PSCA: variants seen among roughly 807,000 people sequenced by gnomAD.
PSCA encodes prostate stem cell antigen.
Under a neutral mutation model 7.9 loss-of-function variants are expected in PSCA, and 7 were observed. That is an observed-to-expected ratio of 0.89 (90% CI 0.51 to 1.67). The LOEUF (loss-of-function observed/expected upper bound fraction) is 1.67. Among genes scored for constraint, PSCA ranks in the 40% most tolerant of loss-of-function variants. PSCA has a pLI of 0.00. For missense variants in PSCA, 151 were observed against 147.9 expected (o/e 1.02, Z -0.11); for synonymous variants, 61 against 68.3 (o/e 0.89, Z 0.53).
chr8:142,670,317 C>T (rs1847297553), exon 1 of PSCA: 1 of 152,338 alleles, frequency 6.6e-6, no homozygotes, highest in South Asian at 2.1e-4. Context: ...TGACAGTGAA[C>T]CCTGCGCTGA....
upstream of PSCA, among the ~76,000 whole-genome samples, chr8:142,678,810 C>T (rs1587545656): frequency 6.6e-6 from 1 of 152,048 alleles, no homozygotes; most frequent in South Asian, 2.1e-4. Context: ...CTCTAGAGGA[C>T]CATAGCTACT....
chr8:142,673,957 A>G lies in PSCA; in HGVS notation n.261+3389A>G, dbSNP rs1847365777. Among the ~76,000 whole-genome samples, 2 of 148,422 alleles carry G rather than the reference A, an allele frequency of 1.3e-5. No individual in the cohort carries two copies. The highest frequency in any genetic ancestry group is 1.3e-4 in the Admixed American group (2 of 14,878). On this transcript the variant is annotated intron_variant and non_coding_transcript_variant, in intron 1 of 1. Transcript: ENST00000505305. This position sits in a 1 kb window ranked among gnomAD's most constrained non-coding sequence, Gnocchi z 4.6. ...GAGCTCAGATCCCCTCATCTTCCTA[A>G]TGAATAACGGCTGGGAATCGTTTCA...
At chr8:142,671,203 T>C (rs1222266823) in intron 1 of PSCA, among the ~76,000 whole-genome samples, 3 of 151,768 alleles carry the variant, frequency 2.0e-5, no homozygotes, top group Non-Finnish European at 4.4e-5. Context: ...CTTGTGGGAG[T>C]TAGGAAGCCA....
rs782240163 is a variant in PSCA at position 142,681,433 on chromosome 8, C to G, written c.132C>G (p.Ile44Met). The G allele has an allele frequency of 3.2e-6, 5 of 1,586,182 alleles. No individual in the cohort carries two copies. The highest frequency in any genetic ancestry group is 2.6e-6 in the Non-Finnish European group (3 of 1,166,666). ...GGGAGCAGTGCTGGACCGCGCGCATCCGTGAGTGGGGGGACGACAGCCGCC... is the reference window on the plus strand; with the variant it reads ...GGGAGCAGTGCTGGACCGCGCGCATGCGTGAGTGGGGGGACGACAGCCGCC... ...QLGEQCWTARIRAVGLLTVIS... is the reference protein window; with the variant it reads ...QLGEQCWTARMRAVGLLTVIS... The change falls in exon 2 of 3, where the codon ATC becomes ATG. Residue 44 changes from isoleucine to methionine, a missense_variant and splice_region_variant. Physicochemically the swap from Ile to Met is conservative, Grantham distance 10 (BLOSUM62 1). Transcript: ENST00000301258.
chr8:142,680,689 T>A, intron 1 of PSCA, 126 bp downstream of exon 1: 1 of 1,303,848 alleles, frequency 7.7e-7, no homozygotes, highest in Non-Finnish European at 1.1e-6. Context: ...GGGGTGAGGC[T>A]CTTGCCCTAG....
At chr8:142,680,395 G>A, upstream of PSCA, 3 of 928,854 alleles carry the variant, frequency 3.2e-6, no homozygotes, top group Admixed American at 4.2e-5. Context: ...CCCAGCCCCG[G>A]GGCCCTCACT....
At chr8:142,671,983 T>C (rs1355461601) in intron 1 of PSCA, among the ~76,000 whole-genome samples, 1 of 152,068 alleles carries the variant, frequency 6.6e-6, no homozygotes, top group African/African-American at 2.4e-5. Flanking sequence ...GGTGATCTCC[T>C]CCAGTGTCAT....
rs1847449884 is a variant in PSCA at position 142,680,528 on chromosome 8, T to A, written c.-11T>A. 17 of 1,553,986 alleles carry A rather than the reference T, an allele frequency of 1.1e-5. No individual in the cohort carries two copies. Among genetic ancestry groups the A allele is most frequent in the Non-Finnish European group, 1.5e-5 (17 of 1,148,204 alleles). On this transcript the variant is annotated 5_prime_UTR_variant, in exon 1 of 3. The change creates a new upstream start codon in the 5' untranslated region. Transcript: ENST00000301258. ...CCAGTGACCACGAAGGCTGTGCTGCTTGCCCTGTTGATGGCAGGCTTGGCC... is the reference window on the plus strand; with the variant it reads ...CCAGTGACCACGAAGGCTGTGCTGCATGCCCTGTTGATGGCAGGCTTGGCC...
intron 1 of PSCA, 111 bp from the exon 2 acceptor site, chr8:142,681,216 C>T (rs1417676149): frequency 5.7e-6 from 4 of 707,522 alleles, no homozygotes; most frequent in African/African-American, 1.8e-5. Flanking sequence ...GACAAGAGGG[C>T]GCCGAGGACT....
At chr8:142,672,196 T>C (rs1847340952) in intron 1 of PSCA, among the ~76,000 whole-genome samples, 1 of 151,888 alleles carries the variant, frequency 6.6e-6, no homozygotes, top group Non-Finnish European at 1.5e-5. Context: ...GCCTCAACAG[T>C]CTCCATCCCT....
Position 142,673,912 on chromosome 8 carries a change from G to T in PSCA, n.261+3344G>T, listed in dbSNP as rs1034951062. ...GTCCCTGGAATAACGGCTGGGAGTC[G>T]TTTCAGTCTAACCTCAGCAGAGCTC... On this transcript the variant is annotated intron_variant and non_coding_transcript_variant, in intron 1 of 1. Coordinates refer to the PSCA transcript ENST00000505305. This position sits in a 1 kb window ranked among gnomAD's most constrained non-coding sequence, Gnocchi z 4.6. 6.6e-6 allele frequency among the ~76,000 whole-genome samples: 1 copy of T among 152,164 alleles called. No individual in the cohort carries two copies. The highest frequency in any genetic ancestry group is 6.5e-5 in the Admixed American group (1 of 15,280).
chr8:142,671,821 T>C (rs1847333682), intron 1 of PSCA, among the ~76,000 whole-genome samples: 1 of 152,190 alleles, frequency 6.6e-6, no homozygotes, highest in Non-Finnish European at 1.5e-5. Flanking sequence ...CACGAGCCCA[T>C]GTGCCAGCTC....
chr8:142,674,752 C>T, intron 1 of PSCA, among the ~76,000 whole-genome samples: 1 of 152,108 alleles, frequency 6.6e-6, no homozygotes, highest in East Asian at 1.9e-4. Context: ...AGCCTGCTTC[C>T]CTACTGAGCG....
At chr8:142,676,337 C>T (rs1190014030), upstream of PSCA, 1 of 152,308 alleles carries the variant, frequency 6.6e-6, no homozygotes, top group Non-Finnish European at 1.5e-5. Context: ...GTGGAGGACG[C>T]TTAGTCATGG....
chr8:142,670,321 G>T (rs1847297658), exon 1 of PSCA: 1 of 152,362 alleles, frequency 6.6e-6, no homozygotes, highest in Non-Finnish European at 1.5e-5. Context: ...AGTGAACCCT[G>T]CGCTGAAGGC....
At position 142,673,763 on chromosome 8, in the gene PSCA, C is replaced by T. The variant is rs1847363219; in HGVS notation, n.261+3195C>T. Among the ~76,000 whole-genome samples, 1 of 152,170 alleles carries T rather than the reference C, an allele frequency of 6.6e-6. No individual in the cohort carries two copies. Among genetic ancestry groups the T allele is most frequent in the African/African-American group, 2.4e-5 (1 of 41,442 alleles). ...GACCGGCTGCGGGGTTGGTGGGCCT[C>T]GCTAGAGCCATCCATCAGTCATTAG... On this transcript the variant is annotated intron_variant and non_coding_transcript_variant, in intron 1 of 1. Coordinates refer to the PSCA transcript ENST00000505305. This position sits in a 1 kb window ranked among gnomAD's most constrained non-coding sequence, Gnocchi z 4.6.
chr8:142,672,287 A>C, intron 1 of PSCA, among the ~76,000 whole-genome samples: 2 of 149,764 alleles, frequency 1.3e-5, no homozygotes, highest in East Asian at 2.0e-4. Flanking sequence ...CCCAATCCAC[A>C]CCTCTGTGGT....
intron 1 of PSCA, among the ~76,000 whole-genome samples, chr8:142,672,278 C>T (rs72690918): frequency 0.041 from 6,270 of 152,092 alleles, 207 homozygotes; most frequent in Admixed American, 0.098. Flanking sequence ...ACTGCCCTCC[C>T]CAATCCACAC....
chr8:142,679,058 CT>C (rs1385871127), upstream of PSCA, among the ~76,000 whole-genome samples: 25 of 152,370 alleles, frequency 1.6e-4, no homozygotes, highest in African/African-American at 5.8e-4. Context: ...GCCATAGCCA[CT>C]GCCACCACCT....
Sources: gnomAD v4.1 joint callset for allele counts (sites outside exome capture counted in the v4.1 genomes callset) on GRCh38, gnomAD v4.1.1 for gene constraint, Gnocchi (gnomAD v3.1) non-coding constraint, MANE v1.5 for transcripts, NCBI Gene and HGNC (gene_info 2026-07-23, HGNC 2026-07-21) for gene names.